CCDC33: variants seen among roughly 807,000 people sequenced by gnomAD.
CCDC33 encodes coiled-coil domain-containing protein 33.
CCDC33 carries 94 observed loss-of-function variants against 91.9 expected under a neutral mutation model. The observed-to-expected ratio is 1.02, with a 90% CI of 0.87 to 1.21. The LOEUF is 1.21. CCDC33 is among the 50% of genes most tolerant of loss of function. The pLI is 0.00. For synonymous variants in CCDC33, 396 were observed against 374.5 expected, an observed-to-expected ratio of 1.06 and a Z score of -0.66; for missense variants, 940 against 935.5, an observed-to-expected ratio of 1.00 and a Z score of -0.06.
intron 2 of CCDC33, among the ~76,000 whole-genome samples, chr15:74,252,414 C>A (rs2075736572): frequency 1.3e-5 from 2 of 152,326 alleles, no homozygotes; most frequent in South Asian, 4.1e-4. Flanking sequence ...ATAACAATAA[C>A]ACAGTGACAG....
chr15:74,291,658 C>T (rs1413609561), intron 10 of CCDC33, among the ~76,000 whole-genome samples: 1 of 152,248 alleles, frequency 6.6e-6, no homozygotes, highest in Non-Finnish European at 1.5e-5. Context: ...CTTTCAGCAC[C>T]AAGGACAGCA....
chr15:74,271,637 C>A, intron 5 of CCDC33, 66 bp from the exon 6 acceptor site: 3 of 1,231,870 alleles, frequency 2.4e-6, no homozygotes, highest in South Asian at 1.2e-5. Flanking sequence ...GGCAGTCTGG[C>A]TGGCTGTCTC....
At chr15:74,295,624 G>A (rs4887128) in intron 10 of CCDC33, 130 bp from the exon 11 acceptor site, 137,115 of 707,054 alleles carry the variant, frequency 0.19, 13,862 homozygotes, top group South Asian at 0.31. Context: ...TAGGAGGTGT[G>A]CACGGGCCAG....
At chr15:74,229,025 G>A (rs1388435552) in intron 2 of CCDC33, among the ~76,000 whole-genome samples, 5 of 152,142 alleles carry the variant, frequency 3.3e-5, no homozygotes, top group African/African-American at 9.7e-5. Flanking sequence ...GGCGCATCCC[G>A]GCTGCAGAGC....
intron 2 of CCDC33, among the ~76,000 whole-genome samples, 185 bp from the exon 3 acceptor site, chr15:74,262,255 G>T (rs1343647245): frequency 6.6e-6 from 1 of 152,178 alleles, no homozygotes; most frequent in Non-Finnish European, 1.5e-5. Flanking sequence ...GAGACAGTGT[G>T]GTCACCTGGG....
chr15:74,281,715 G>C, intron 9 of CCDC33, 63 bp from the exon 10 acceptor site: 1 of 1,403,382 alleles, frequency 7.1e-7, no homozygotes, highest in Non-Finnish European at 1.0e-6. Context: ...TAGAACAGTA[G>C]GTGGGGCAGA....
At chr15:74,210,663 C>G (rs545240327) in intron 2 of CCDC33, among the ~76,000 whole-genome samples, 2 of 152,276 alleles carry the variant, frequency 1.3e-5, no homozygotes, top group South Asian at 4.1e-4. Context: ...AATAAGCCTG[C>G]TGTGAGTAAG....
rs954448304 is a variant in CCDC33, at chr15:74,316,279, G to A, written c.1291-13910G>A. 6.6e-6 allele frequency among the ~76,000 whole-genome samples: 1 copy of A among 152,200 alleles called. No homozygotes were observed. Among genetic ancestry groups the A allele is most frequent in the Non-Finnish European group, 1.5e-5 (1 of 68,022 alleles). On this transcript the variant is annotated intron_variant, in intron 11 of 18. Transcript: ENST00000398814. This position sits in a 1 kb window ranked among gnomAD's most constrained non-coding sequence, Gnocchi z 4.7. The stretch of plus-strand genomic sequence containing the variant: ...TCCGGTGATGGGTCCCTGAGGGTCC[G>A]CTGGGGCGCCCCTCCAGCCTCCCGC...
chr15:74,332,379 G>T (rs973328440), intron 15 of CCDC33, among the ~76,000 whole-genome samples: 1 of 152,208 alleles, frequency 6.6e-6, no homozygotes, highest in Non-Finnish European at 1.5e-5. Flanking sequence ...GAAACAGCCA[G>T]ATCAAAGGCC....
chr15:74,204,796 G>A (rs1025983152), intron 1 of CCDC33, among the ~76,000 whole-genome samples: 19 of 152,244 alleles, frequency 1.2e-4, no homozygotes, highest in Admixed American at 2.6e-4. Context: ...TTAGCCGGAC[G>A]TGGTGGCGCA....
intron 1 of CCDC33, among the ~76,000 whole-genome samples, chr15:74,240,757 T>A (rs147181548): frequency 3.8e-4 from 58 of 152,214 alleles, no homozygotes; most frequent in African/African-American, 1.4e-3. Context: ...CGCACCTGGC[T>A]GATTTTTGTA....
At chr15:74,223,956 T>C (rs2074702785) in intron 2 of CCDC33, among the ~76,000 whole-genome samples, 1 of 152,138 alleles carries the variant, frequency 6.6e-6, no homozygotes, top group African/African-American at 2.4e-5. Context: ...CCCCTTCTCC[T>C]CCTTTGACAA....
upstream of CCDC33, among the ~76,000 whole-genome samples, chr15:74,216,116 G>A (rs2074441271): frequency 6.6e-6 from 1 of 152,058 alleles, no homozygotes; most frequent in South Asian, 2.1e-4. Flanking sequence ...AAATATGCAA[G>A]GGAAGAGAGC....
upstream of CCDC33, among the ~76,000 whole-genome samples, chr15:74,216,919 T>G (rs373533783): frequency 7.9e-5 from 12 of 152,264 alleles, no homozygotes; most frequent in African/African-American, 2.9e-4. Context: ...ATTTAGTGTT[T>G]ATTTTTGTCT....
intron 10 of CCDC33, among the ~76,000 whole-genome samples, chr15:74,283,193 CCCA>C (rs2059402068): frequency 6.6e-6 from 1 of 152,134 alleles, no homozygotes; most frequent in Admixed American, 6.5e-5. Context: ...AGCAACAAAC[CCCA>C]AGAAAGAGGC....
intron 2 of CCDC33, among the ~76,000 whole-genome samples, chr15:74,209,979 A>G (rs1471349362): frequency 6.6e-6 from 1 of 152,190 alleles, no homozygotes; most frequent in Non-Finnish European, 1.5e-5. Flanking sequence ...TTGGCTTCCA[A>G]TGATAGTAAA....
chr15:74,207,623 C>G (rs2074288794), intron 1 of CCDC33: 2 of 1,398,190 alleles, frequency 1.4e-6, no homozygotes, highest in Non-Finnish European at 2.0e-6. Flanking sequence ...CAGGTACACC[C>G]CCAACTTCGA....
intron 2 of CCDC33, among the ~76,000 whole-genome samples, chr15:74,222,746 G>C (rs1193257602): frequency 6.6e-6 from 1 of 151,408 alleles, no homozygotes; most frequent in Non-Finnish European, 1.5e-5. Flanking sequence ...TGTTGTGAAC[G>C]GCTTTCCTAG....
At chr15:74,228,423 T>C (rs927520810) in intron 2 of CCDC33, among the ~76,000 whole-genome samples, 10 of 152,242 alleles carry the variant, frequency 6.6e-5, no homozygotes, top group African/African-American at 1.9e-4. Flanking sequence ...CACAAAACGC[T>C]GGCCATTCTC....
Sources: gnomAD v4.1 joint callset for allele counts (sites outside exome capture counted in the v4.1 genomes callset) on GRCh38, gnomAD v4.1.1 for gene constraint, Gnocchi (gnomAD v3.1) non-coding constraint, MANE v1.5 for transcripts, NCBI Gene and HGNC (gene_info 2026-07-23, HGNC 2026-07-21) for gene names.